Variants in PCDHA3 observed in about 807,000 individuals in gnomAD.
PCDHA3 encodes protocadherin alpha-3.
A neutral mutation model predicts 62.2 loss-of-function variants in PCDHA3; 41 were observed. That is an observed-to-expected ratio of 0.66 (90% confidence interval 0.51 to 0.86). The LOEUF is 0.86. Among genes scored for constraint, PCDHA3 ranks in the 40% least tolerant of loss-of-function variants. The pLI is 0.00. For synonymous variants in PCDHA3, 640 were observed against 555.4 expected (o/e 1.15, Z -2.14); for missense variants, 1,304 against 1,241.2 (o/e 1.05, Z -0.76).
chr5:140,877,994 G>A lies in PCDHA3; in HGVS notation c.2394+74403G>A, dbSNP rs1349448705. On this transcript the variant is annotated intron_variant, in intron 1 of 3. Coordinates refer to ENST00000522353, the MANE Select transcript of PCDHA3 (RefSeq NM_018906.3). Reference sequence around the variant, plus strand: ...ATTCTTACTCATTTTGAACTTTTATGTATTTGTCTAACATTAATGAAGGAA... The same window carrying A: ...ATTCTTACTCATTTTGAACTTTTATATATTTGTCTAACATTAATGAAGGAA... The A allele has an allele frequency of 8.3e-6, 9 of 1,078,340 alleles. No homozygotes were observed. The Admixed American group carries it at 1.0e-4, about 12-fold the overall frequency. 66.8% of individuals were successfully genotyped at this position (1,078,340 alleles called of 1,614,324 possible). A position where few individuals can be genotyped will look rare whatever the true frequency, so the allele number is the denominator to read the frequency against.
At chr5:140,857,106 C>A (rs2044362842) in intron 1 of PCDHA3, 2 of 1,597,856 alleles carry the variant, frequency 1.3e-6, no homozygotes, top group African/African-American at 2.7e-5. Context: ...ATTGTCACTT[C>A]TCTGTCTCTC....
intron 1 of PCDHA3, among the ~76,000 whole-genome samples, chr5:140,914,914 G>A (rs2076876381): frequency 7.0e-6 from 1 of 143,682 alleles, no homozygotes; most frequent in African/African-American, 2.6e-5. Context: ...GTTTCTCTGT[G>A]TCTTATTGTA....
chr5:140,856,715 G>T (rs1233191211), intron 1 of PCDHA3: 1 of 1,596,328 alleles, frequency 6.3e-7, no homozygotes, highest in African/African-American at 1.3e-5. Flanking sequence ...TGAATTTACC[G>T]GATCTGTTTC....
intron 1 of PCDHA3, chr5:140,884,619 A>G (rs782146160): frequency 3.1e-6 from 5 of 1,614,074 alleles, no homozygotes; most frequent in Non-Finnish European, 4.2e-6. Context: ...GGTTCTGCAG[A>G]GGGAACAGGC....
At chr5:140,836,198 G>A in intron 1 of PCDHA3, 2 of 1,613,862 alleles carry the variant, frequency 1.2e-6, no homozygotes, top group Non-Finnish European at 1.7e-6. Context: ...GCTACAACGC[G>A]TGGCTTTCGT....
chr5:140,839,017 T>A (rs2150294125), intron 1 of PCDHA3, among the ~76,000 whole-genome samples: 2 of 152,096 alleles, frequency 1.3e-5, no homozygotes, highest in Non-Finnish European at 2.9e-5. Flanking sequence ...TAAATTATTT[T>A]AGGATATGTT....
chr5:140,919,915 A>G (rs1306747919), intron 1 of PCDHA3, among the ~76,000 whole-genome samples: 1 of 152,202 alleles, frequency 6.6e-6, no homozygotes, highest in Non-Finnish European at 1.5e-5. Context: ...AAATTACCCT[A>G]AATTTTCAGG....
chr5:140,927,308 C>T (rs782694957), intron 1 of PCDHA3: 3 of 1,614,186 alleles, frequency 1.9e-6, no homozygotes, highest in Non-Finnish European at 2.5e-6. Flanking sequence ...TTCCTGACGC[C>T]CGGAGCCCGC....
intron 1 of PCDHA3, chr5:140,867,711 G>T (rs1202135456): frequency 2.0e-5 from 3 of 151,816 alleles, no homozygotes; most frequent in Non-Finnish European, 2.9e-5. Flanking sequence ...AATCCTAAGG[G>T]TATATGAAAA....
At chr5:140,828,383 C>A in intron 1 of PCDHA3, 1 of 1,614,256 alleles carries the variant, frequency 6.2e-7, no homozygotes, top group South Asian at 1.1e-5. Context: ...GCTGTGCGGG[C>A]GGAGCGCGGA....
intron 1 of PCDHA3, chr5:140,858,003 A>G: frequency 6.3e-7 from 1 of 1,596,628 alleles, no homozygotes; most frequent in Non-Finnish European, 8.6e-7. Flanking sequence ...CTGGTGAAGG[A>G]CCATGGCGAG....
chr5:140,869,297 G>T lies in PCDHA3; in HGVS notation c.2394+65706G>T. 3.7e-6 allele frequency: 6 copies of T among 1,613,580 alleles called. No homozygotes were observed. The highest frequency in any genetic ancestry group is 1.1e-5 in the South Asian group (1 of 91,050). On this transcript the variant is annotated intron_variant, in intron 1 of 3. Transcript: ENST00000522353. ...GCGGAGCTGGTGCAGCGCCTGTTCC[G>T]GGTGGCGTCCAAAACACATGGGGAC...
intron 1 of PCDHA3, among the ~76,000 whole-genome samples, chr5:140,819,460 C>A (rs898793780): frequency 6.6e-6 from 1 of 152,056 alleles, no homozygotes; most frequent in Non-Finnish European, 1.5e-5. Context: ...CAAGGAAGAA[C>A]TTCTGTTTAC....
At chr5:140,834,120 A>C (rs2150213595) in intron 1 of PCDHA3, 5 of 433,160 alleles carry the variant, frequency 1.2e-5, no homozygotes, top group Non-Finnish European at 2.0e-5. Context: ...GTTTGAAATA[A>C]AACTTTTCAT....
chr5:140,865,144 T>G (rs2048753153), intron 1 of PCDHA3: 1 of 152,224 alleles, frequency 6.6e-6, no homozygotes, highest in East Asian at 1.9e-4. Context: ...AATTTAACAT[T>G]GTATACTTTT....
intron 1 of PCDHA3, chr5:140,807,687 T>C (rs782423945): frequency 1.2e-6 from 2 of 1,614,228 alleles, no homozygotes; most frequent in Non-Finnish European, 1.7e-6. Flanking sequence ...GAGAACGCCC[T>C]GCTCACTTAC....
chr5:140,857,995 G>A, intron 1 of PCDHA3: 1 of 1,597,106 alleles, frequency 6.3e-7, no homozygotes, highest in East Asian at 2.2e-5. Context: ...TACTGGTGCT[G>A]GTGAAGGACC....
intron 1 of PCDHA3, among the ~76,000 whole-genome samples, chr5:140,890,244 C>T (rs1404459938): frequency 6.6e-6 from 1 of 152,052 alleles, no homozygotes; most frequent in Non-Finnish European, 1.5e-5. Flanking sequence ...TTTACCAGTA[C>T]ACTACTGCAC....
At chr5:140,952,471 A>G (rs1324501616) in intron 1 of PCDHA3, among the ~76,000 whole-genome samples, 2 of 152,204 alleles carry the variant, frequency 1.3e-5, no homozygotes, top group African/African-American at 2.4e-5. Context: ...AAGCATAAGG[A>G]AAGTGACATT....
Sources: gnomAD v4.1 joint callset for allele counts (sites outside exome capture counted in the v4.1 genomes callset) on GRCh38, gnomAD v4.1.1 for gene constraint, MANE v1.5 for transcripts, NCBI Gene and HGNC (gene_info 2026-07-23, HGNC 2026-07-21) for gene names.